Variants in PGR observed in about 807,000 individuals in gnomAD.
PGR encodes the protein progesterone receptor, also known as nuclear receptor subfamily 3 group C member 3.
PGR carries 25 observed loss-of-function variants against 76.1 expected under a neutral mutation model. The observed-to-expected ratio is 0.33, with a 90% CI of 0.24 to 0.46. The LOEUF is 0.46. Ranked by LOEUF, PGR falls within the 20% of genes least tolerant of loss-of-function variation. The pLI is 1.00. For synonymous variants in PGR, 579 were observed against 535.0 expected (o/e 1.08, Z -1.14); for missense variants, 1,172 against 1,225.3 (o/e 0.96, Z 0.65).
chr11:101,058,549 G>A (rs2135405105), intron 4 of PGR, among the ~76,000 whole-genome samples: 1 of 152,286 alleles, frequency 6.6e-6, no homozygotes, highest in South Asian at 2.1e-4. Flanking sequence ...AAAGAATAAA[G>A]TATGTCCTAA....
At position 101,032,013 on chromosome 11, in the gene PGR, T is replaced by C. The variant is rs1017946948; in HGVS notation, c.*7103A>G. On this transcript the variant is annotated 3_prime_UTR_variant, in exon 8 of 8. Coordinates refer to ENST00000325455, the MANE Select transcript of PGR (RefSeq NM_000926.4). ...AGGGATATAGGTGGAGTGGTACAGA[T>C]TGTTTGGACAGATAGAATTCTGGGA... 3.4e-5 allele frequency: 8 copies of C among 232,706 alleles called. No individual in the cohort carries two copies. In the East Asian group the frequency reaches 3.6e-4, roughly 11 times the overall value. The allele number at this position is 232,706 out of a possible 1,614,324, so 14.4% of individuals were successfully genotyped here.
intron 2 of PGR, among the ~76,000 whole-genome samples, chr11:101,110,089 C>T (rs1334314707): frequency 1.3e-5 from 2 of 152,082 alleles, no homozygotes; most frequent in Non-Finnish European, 2.9e-5. Flanking sequence ...AAAAAAATTC[C>T]CATGAGCTCT....
intron 2 of PGR, among the ~76,000 whole-genome samples, chr11:101,122,793 C>T (rs1386330962): frequency 6.6e-6 from 1 of 152,184 alleles, no homozygotes; most frequent in African/African-American, 2.4e-5. Context: ...TATCACCTCC[C>T]TCTCCTAACA....
intron 2 of PGR, among the ~76,000 whole-genome samples, chr11:101,106,899 G>A (rs1405510623): frequency 6.6e-6 from 1 of 152,196 alleles, no homozygotes; most frequent in Non-Finnish European, 1.5e-5. Flanking sequence ...AAAAGAATGA[G>A]TTCATGTTCT....
Position 101,035,917 on chromosome 11 carries a change from A to C in PGR, c.*3199T>G. 8.7e-6 allele frequency: 2 copies of C among 230,236 alleles called. No homozygotes were observed. The highest frequency in any genetic ancestry group is 1.3e-3 in the Middle Eastern group (1 of 770). The allele number at this position is 230,236 out of a possible 1,614,324, so 14.3% of individuals were successfully genotyped here. A position where few individuals can be genotyped will look rare whatever the true frequency, so the allele number is the denominator to read the frequency against. The stretch of plus-strand genomic sequence containing the variant: ...AAATTATAGCCAGAACTATGGCTTA[A>C]TGAAAACAAAATAGTAGCAATTACT... On this transcript the variant is annotated 3_prime_UTR_variant, in exon 8 of 8. Transcript: ENST00000325455.
chr11:101,047,212 C>T (rs1417736058), intron 6 of PGR, among the ~76,000 whole-genome samples: 1 of 152,076 alleles, frequency 6.6e-6, no homozygotes, highest in Non-Finnish European at 1.5e-5. Flanking sequence ...GCAAAGCCTC[C>T]CTGTTGATTA....
intron 2 of PGR, among the ~76,000 whole-genome samples, chr11:101,102,427 AGTT>A (rs1055562874): frequency 1.3e-5 from 2 of 152,164 alleles, no homozygotes; most frequent in African/African-American, 4.8e-5. Flanking sequence ...TATTCCTTAA[AGTT>A]TTTTGTATGT....
intron 2 of PGR, among the ~76,000 whole-genome samples, chr11:101,121,295 T>G (rs1250450395): frequency 6.6e-6 from 1 of 152,180 alleles, no homozygotes; most frequent in Non-Finnish European, 1.5e-5. Flanking sequence ...TTCAAATAGA[T>G]TATAGTAGAA....
intron 6 of PGR, among the ~76,000 whole-genome samples, chr11:101,044,401 T>C (rs1199876756): frequency 6.6e-6 from 1 of 152,148 alleles, no homozygotes; most frequent in Non-Finnish European, 1.5e-5. Flanking sequence ...CTTAAGGGAA[T>C]ATTGTGGCTG....
At chr11:101,049,692 C>A (rs527663965) in intron 6 of PGR, among the ~76,000 whole-genome samples, 3 of 152,050 alleles carry the variant, frequency 2.0e-5, no homozygotes, top group East Asian at 3.9e-4. Flanking sequence ...GTAATTAAAT[C>A]ATTTTATCTA....
At chr11:101,039,515 A>G (rs747081129) in intron 7 of PGR, among the ~76,000 whole-genome samples, 36 of 151,866 alleles carry the variant, frequency 2.4e-4, no homozygotes, top group Non-Finnish European at 3.4e-4. Flanking sequence ...GTTATTCACA[A>G]TTCTACAGGA....
chr11:101,084,850 T>C (rs1460559517), intron 3 of PGR, among the ~76,000 whole-genome samples: 1 of 152,084 alleles, frequency 6.6e-6, no homozygotes, highest in African/African-American at 2.4e-5. Flanking sequence ...TAAAACAGAC[T>C]TTAACAACAG....
intron 3 of PGR, among the ~76,000 whole-genome samples, chr11:101,071,024 CTG>C (rs762356988): frequency 4.6e-5 from 7 of 152,164 alleles, no homozygotes; most frequent in African/African-American, 7.2e-5. Context: ...TGCCTCCTGA[CTG>C]GGAGATACCT....
Position 101,127,992 on chromosome 11 carries a change from T to G in PGR, c.1079A>C (p.Asp360Ala). ...STPVAVGDFPDCAYPPDAEPK... is the reference protein window; with the variant it reads ...STPVAVGDFPACAYPPDAEPK... The stretch of plus-strand genomic sequence containing the variant: ...CTCGGCGTCGGGCGGGTACGCGCAG[T>G]CGGGGAAGTCGCCTACAGCGACCGG... Residue 360 changes from aspartate to alanine, a missense_variant, in exon 1 of 8, where the codon GAC becomes GCC. Around this residue, in one of 4 missense-constraint regions of PGR, gnomAD observed 893 missense variants for 785.9 expected, o/e 1.14. Coordinates refer to ENST00000325455, the MANE Select transcript of PGR (RefSeq NM_000926.4). The G allele has an allele frequency of 1.2e-6, 2 of 1,611,432 alleles. No homozygotes were observed. The highest frequency in any genetic ancestry group is 1.7e-6 in the Non-Finnish European group (2 of 1,179,832).
chr11:101,039,384 G>T (rs1591364231), intron 7 of PGR, 113 bp from the exon 8 acceptor site: 4 of 844,644 alleles, frequency 4.7e-6, no homozygotes, highest in South Asian at 3.1e-5. Flanking sequence ...ACTTCTCAAG[G>T]TGTTTTTTTC....
At chr11:101,061,901 TTG>T (rs1376568006) in intron 4 of PGR, among the ~76,000 whole-genome samples, 75 of 152,192 alleles carry the variant, frequency 4.9e-4, no homozygotes, top group Admixed American at 2.8e-3. Context: ...TATACTCTCT[TTG>T]GGTATAAATT....
At chr11:101,089,208 T>A (rs989750879) in intron 3 of PGR, among the ~76,000 whole-genome samples, 1 of 151,786 alleles carries the variant, frequency 6.6e-6, no homozygotes, top group Non-Finnish European at 1.5e-5. Context: ...AGAGCTGCGA[T>A]AGCTGGAAAA....
chr11:101,061,215 A>G (rs1262792234), intron 4 of PGR, among the ~76,000 whole-genome samples: 1 of 152,168 alleles, frequency 6.6e-6, no homozygotes, highest in African/African-American at 2.4e-5. Context: ...GATAACCACT[A>G]TGTGATAAAT....
At chr11:101,096,231 C>T (rs928166170) in intron 2 of PGR, among the ~76,000 whole-genome samples, 8 of 152,144 alleles carry the variant, frequency 5.3e-5, no homozygotes, top group Non-Finnish European at 7.4e-5. Context: ...GGGGTTGGCA[C>T]GACTCATATC....
Sources: allele counts gnomAD v4.1 joint callset (sites outside exome capture counted in the v4.1 genomes callset), GRCh38; gene constraint gnomAD v4.1.1; regional missense constraint gnomAD v4.1.1; transcripts MANE v1.5; gene names NCBI Gene and HGNC (gene_info 2026-07-23, HGNC 2026-07-21).